C8orf34: variants seen among roughly 807,000 people sequenced by gnomAD.
C8orf34 encodes the protein uncharacterized protein C8orf34.
C8orf34 carries 65 observed loss-of-function variants against 68.3 expected under a neutral mutation model. The observed-to-expected ratio is 0.95, with a 90% CI of 0.78 to 1.17. The LOEUF is 1.17. C8orf34 is among the 50% of genes most tolerant of loss of function. The pLI is 0.00. For synonymous variants in C8orf34, 244 were observed against 241.2 expected, an observed-to-expected ratio of 1.01 and a Z score of -0.11; for missense variants, 664 against 655.4, an observed-to-expected ratio of 1.01 and a Z score of -0.14.
At chr8:68,333,979 T>C (rs1805741831) in intron 1 of C8orf34, among the ~76,000 whole-genome samples, 2 of 152,246 alleles carry the variant, frequency 1.3e-5, no homozygotes, top group South Asian at 4.1e-4. Context: ...TATGAGATAC[T>C]TTAAAGATAA....
intron 9 of C8orf34, among the ~76,000 whole-genome samples, chr8:68,719,419 G>T (rs1424542499): frequency 6.6e-6 from 1 of 151,844 alleles, no homozygotes; most frequent in Non-Finnish European, 1.5e-5. Context: ...ATCATACAAA[G>T]TTACTAATAC....
intron 7 of C8orf34, among the ~76,000 whole-genome samples, chr8:68,618,865 A>G (rs1818305936): frequency 6.6e-6 from 1 of 152,238 alleles, no homozygotes; most frequent in African/African-American, 2.4e-5. Context: ...AGAATAATAG[A>G]CAAACATTTA....
intron 13 of C8orf34, among the ~76,000 whole-genome samples, chr8:68,817,973 T>C (rs1824868210): frequency 6.7e-6 from 1 of 150,250 alleles, no homozygotes; most frequent in South Asian, 2.2e-4. Flanking sequence ...CTTGAGATTA[T>C]GGGGATTGTA....
intron 5 of C8orf34, among the ~76,000 whole-genome samples, chr8:68,491,392 A>C (rs141123109): frequency 1.3e-5 from 2 of 152,316 alleles, no homozygotes; most frequent in Non-Finnish European, 2.9e-5. Flanking sequence ...GTAGTTTCAA[A>C]GTTGAACATG....
chr8:68,710,492 T>C (rs1268776620), intron 9 of C8orf34, among the ~76,000 whole-genome samples: 1 of 151,970 alleles, frequency 6.6e-6, no homozygotes, highest in Non-Finnish European at 1.5e-5. Context: ...GCTGGGTGAA[T>C]CCTGTGACTG....
At chr8:68,606,777 G>A (rs952513502) in intron 7 of C8orf34, among the ~76,000 whole-genome samples, 2 of 152,058 alleles carry the variant, frequency 1.3e-5, no homozygotes, top group Non-Finnish European at 2.9e-5. Flanking sequence ...CATAGTTGAG[G>A]TCATGCATAA....
rs1366214273 is a variant in C8orf34, at chr8:68,818,327, T to C, written c.*81T>C. On this transcript the variant is annotated 3_prime_UTR_variant, in exon 14 of 14. Transcript: ENST00000518698. ...TATGTATAGTTCTAATTTTATTTAC[T>C]ATGTGTAATCATTTAGAGAATGGTT... 1.4e-6 allele frequency: 2 copies of C among 1,415,542 alleles called. No homozygotes were observed. The highest frequency in any genetic ancestry group is 2.0e-6 in the Non-Finnish European group (2 of 1,006,942). 87.7% of individuals were successfully genotyped at this position (1,415,542 alleles called of 1,614,324 possible). A position where few individuals can be genotyped will look rare whatever the true frequency, so the allele number is the denominator to read the frequency against.
rs79644559 is a variant in C8orf34, at chr8:68,670,592, C to G, written c.1241+30081C>G. Among the ~76,000 whole-genome samples the G allele has an allele frequency of 4.0e-3, 605 of 152,248 alleles. 7 individuals are homozygous for G. Among genetic ancestry groups the G allele is most frequent in the African/African-American group, 0.014 (571 of 41,556 alleles). On this transcript the variant is annotated intron_variant, in intron 8 of 13. Transcript: ENST00000518698. ...TGCAAAGCTCAGAGGAAACTTGTCC[C>G]AGACCATTGTTCTTTGGGTTCATTT...
intron 10 of C8orf34, among the ~76,000 whole-genome samples, chr8:68,727,554 G>A (rs1248076135): frequency 6.6e-6 from 1 of 152,226 alleles, no homozygotes; most frequent in Non-Finnish European, 1.5e-5. Flanking sequence ...TTTCCCTTCT[G>A]CACTGCCCTA....
At chr8:68,581,252 T>C (rs1817056133) in intron 7 of C8orf34, among the ~76,000 whole-genome samples, 1 of 152,026 alleles carries the variant, frequency 6.6e-6, no homozygotes. Context: ...AATCTAATGG[T>C]CATAAATTTG....
In C8orf34 at chr8:68,775,966, G is replaced by A. The variant is rs540917201; in HGVS notation, c.1405-433G>A. Among the ~76,000 whole-genome samples the A allele has an allele frequency of 2.6e-5, 4 of 152,212 alleles. No individual in the cohort carries two copies. The South Asian group carries it at 6.2e-4, about 24-fold the overall frequency. On this transcript the variant is annotated intron_variant, in intron 10 of 13. Coordinates refer to ENST00000518698, the MANE Select transcript of C8orf34 (RefSeq NM_052958.4). ...GGGAGCTGAACAATGAGAACACATG[G>A]ACACAGGGAGGGGAATAACACACCC...
intron 2 of C8orf34, among the ~76,000 whole-genome samples, chr8:68,443,309 A>C (rs903979027): frequency 5.9e-5 from 9 of 152,178 alleles, no homozygotes; most frequent in Non-Finnish European, 1.3e-4. Flanking sequence ...ATACTAATGA[A>C]ACTGAAGGGG....
intron 7 of C8orf34, among the ~76,000 whole-genome samples, chr8:68,580,148 A>G (rs1383212114): frequency 2.6e-5 from 4 of 152,264 alleles, no homozygotes; most frequent in Admixed American, 2.6e-4. Flanking sequence ...TCATTCGCAG[A>G]ACCATAAAGA....
chr8:68,547,248 C>A (rs1009096736), intron 7 of C8orf34, among the ~76,000 whole-genome samples: 7 of 151,688 alleles, frequency 4.6e-5, no homozygotes, highest in African/African-American at 1.7e-4. Flanking sequence ...AAGACTATTA[C>A]AAACAAATGT....
chr8:68,711,814 C>T (rs1006984784), intron 9 of C8orf34, among the ~76,000 whole-genome samples: 11 of 151,846 alleles, frequency 7.2e-5, no homozygotes, highest in South Asian at 6.2e-4. Context: ...TCTAGAACTC[C>T]GAATACAAGA....
At chr8:68,575,144 C>T (rs1816864941) in intron 7 of C8orf34, among the ~76,000 whole-genome samples, 1 of 151,908 alleles carries the variant, frequency 6.6e-6, no homozygotes, top group Non-Finnish European at 1.5e-5. Context: ...TTGGAAATGT[C>T]ATTAGGAGAA....
intron 3 of C8orf34, chr8:68,447,461 T>A (rs371789038): frequency 1.3e-5 from 2 of 152,308 alleles, no homozygotes; most frequent in South Asian, 2.1e-4. Flanking sequence ...TGTATAAACA[T>A]GTCAAAAATC....
chr8:68,337,068 A>G (rs906714206), intron 1 of C8orf34, among the ~76,000 whole-genome samples: 6 of 152,228 alleles, frequency 3.9e-5, no homozygotes, highest in African/African-American at 1.4e-4. Context: ...TTAGAAAATT[A>G]CTACTTGGCA....
chr8:68,423,136 A>G (rs1810055811), intron 1 of C8orf34, among the ~76,000 whole-genome samples: 1 of 152,210 alleles, frequency 6.6e-6, no homozygotes, highest in Non-Finnish European at 1.5e-5. Context: ...TCAGCTTCTC[A>G]CTACTTATGC....
Sources: gnomAD v4.1 joint callset for allele counts (sites outside exome capture counted in the v4.1 genomes callset) on GRCh38, gnomAD v4.1.1 for gene constraint, MANE v1.5 for transcripts, NCBI Gene and HGNC (gene_info 2026-07-23, HGNC 2026-07-21) for gene names.